The following ASAP2 variants were observed in gnomAD, a reference collection of about 807,000 sequenced individuals.
The protein encoded by ASAP2 is ArfGAP with SH3 domain, ankyrin repeat and PH domain 2, also known as arf-GAP with SH3 domain, ANK repeat and PH domain-containing protein 2.
ASAP2 carries 45 observed loss-of-function variants against 131.4 expected under a neutral mutation model. The observed-to-expected ratio is 0.34, with a 90% CI of 0.27 to 0.44. ASAP2 has a LOEUF of 0.44. ASAP2 is among the 20% of genes least tolerant of loss of function. The pLI, the probability that ASAP2 is intolerant of heterozygous loss-of-function variation, is 1.00. For missense variants in ASAP2, 1,011 were observed against 1,297.0 expected, an observed-to-expected ratio of 0.78 and a Z score of 3.39; for synonymous variants, 510 against 503.0, an observed-to-expected ratio of 1.01 and a Z score of -0.19.
intron 2 of ASAP2, among the ~76,000 whole-genome samples, chr2:9,295,995 C>T (rs1320173434): frequency 5.3e-5 from 8 of 152,154 alleles, no homozygotes; most frequent in Non-Finnish European, 7.3e-5. Flanking sequence ...TAGCCATTGG[C>T]GTTAGCTGAC....
Position 9,404,561 on chromosome 2 carries a change from A to G in ASAP2, c.*1234A>G, listed in dbSNP as rs1008175942. 7 of 152,570 alleles carry G rather than the reference A, an allele frequency of 4.6e-5. No individual in the cohort carries two copies. The highest frequency in any genetic ancestry group is 8.8e-5 in the Non-Finnish European group (6 of 68,030). 9.5% of individuals were successfully genotyped at this position (152,570 alleles called of 1,614,324 possible). Reference sequence around the variant, plus strand: ...AAGATTCATAGTAGGAATATTGGAAATTTTGGCACTCTGAGAATAAATAGG... The same window carrying G: ...AAGATTCATAGTAGGAATATTGGAAGTTTTGGCACTCTGAGAATAAATAGG... On this transcript the variant is annotated 3_prime_UTR_variant, in exon 28 of 28. Coordinates refer to ENST00000281419, the MANE Select transcript of ASAP2 (RefSeq NM_003887.3).
At position 9,387,154 on chromosome 2, in the gene ASAP2, C is replaced by CA. The variant is rs1675338300; in HGVS notation, c.2131-1139dup. 2.1e-5 allele frequency among the ~76,000 whole-genome samples: 3 copies of CA among 141,118 alleles called. No individual in the cohort carries two copies. The South Asian group carries it at 6.6e-4, about 31-fold the overall frequency. 92.6% of individuals were successfully genotyped at this position (141,118 alleles called of 152,430 possible). A position where few individuals can be genotyped will look rare whatever the true frequency, so the allele number is the denominator to read the frequency against. On this transcript the variant is annotated intron_variant, in intron 21 of 27. Transcript: ENST00000281419. ...GCGTAAACCCGGGAGGCGGAGCTTG[C>CA]AGTGAGCTGGGATTGCGCCACTGCA...
At chr2:9,371,980 A>C (rs1165292469) in intron 16 of ASAP2, among the ~76,000 whole-genome samples, 1 of 152,212 alleles carries the variant, frequency 6.6e-6, no homozygotes, top group African/African-American at 2.4e-5. Flanking sequence ...AACCTCCTTC[A>C]CAAAACCAGG....
At chr2:9,323,062 C>A in intron 5 of ASAP2, 59 bp from the exon 6 acceptor site, 1 of 1,605,964 alleles carries the variant, frequency 6.2e-7, no homozygotes, top group Non-Finnish European at 8.5e-7. Flanking sequence ...GGCTTCAAGG[C>A]TGTCCCGTTG....
intron 7 of ASAP2, among the ~76,000 whole-genome samples, chr2:9,333,125 G>T (rs1310899951): frequency 3.9e-5 from 6 of 152,202 alleles, no homozygotes; most frequent in Admixed American, 3.9e-4. Context: ...CTACTGCTGA[G>T]TTTAAAAGAA....
At position 9,393,511 on chromosome 2, in the gene ASAP2, G is replaced by A. The variant is rs113489643; in HGVS notation, c.2548G>A (p.Val850Ile). The change falls in exon 24 of 28, where the codon GTT becomes ATT. Residue 850 changes from valine (V) to isoleucine (I), a missense_variant. Around this residue, in one of 2 missense-constraint regions of ASAP2, gnomAD observed 652 missense variants for 698.9 expected, o/e 0.93. Transcript: ENST00000281419. ...NPLTPTPPPPVAKTPSVMEAL... is the reference protein window; with the variant it reads ...NPLTPTPPPPIAKTPSVMEAL... ...CCTGACCCCCACGCCGCCCCCACCC[G>A]TTGCCAAGACGCCCAGCGTAATGGA... 5.5e-5 allele frequency: 80 copies of A among 1,458,898 alleles called. 1 individual carries two copies. In the African/African-American group the frequency reaches 8.0e-4, roughly 15 times the overall value. The allele number at this position is 1,458,898 out of a possible 1,614,324, so 90.4% of individuals were successfully genotyped here.
Position 9,347,253 on chromosome 2 carries a change from A to G in ASAP2, c.1023+2453A>G, listed in dbSNP as rs144311595. ...TTCCCTGCGTGCTCTGGAAGTCAGA[A>G]TCCAGAGGACCCCTCTGTATGACTG... On this transcript the variant is annotated intron_variant, in intron 11 of 27. Transcript: ENST00000281419. Among the ~76,000 whole-genome samples the G allele has an allele frequency of 4.5e-4, 68 of 152,302 alleles. 1 individual carries two copies. Among genetic ancestry groups the G allele is most frequent in the African/African-American group, 1.6e-3 (65 of 41,558 alleles).
intron 27 of ASAP2, 117 bp downstream of exon 27, chr2:9,401,513 TC>T (rs1185056325): frequency 7.6e-7 from 1 of 1,320,738 alleles, no homozygotes; most frequent in Non-Finnish European, 1.0e-6. Flanking sequence ...CAGATGTAGT[TC>T]CTGGTGCCTC....
At chr2:9,400,233 CTCCCCTCCTGCCCCCT>C (rs1294077370) in intron 25 of ASAP2, among the ~76,000 whole-genome samples, 161 bp downstream of exon 25, 12 of 56,314 alleles carry the variant, frequency 2.1e-4, no homozygotes, top group East Asian at 3.4e-4. Flanking sequence ...CTCCTGCCCC[CTCCCCTCCTGCCCCCT>C]TCCCCTCCTG....
intron 2 of ASAP2, among the ~76,000 whole-genome samples, chr2:9,291,633 C>T (rs900913754): frequency 1.3e-5 from 2 of 152,184 alleles, no homozygotes; most frequent in Admixed American, 1.3e-4. Context: ...TATGTCTCTC[C>T]TTAAACGCTC....
intron 2 of ASAP2, among the ~76,000 whole-genome samples, chr2:9,292,257 T>C (rs1051214001): frequency 6.6e-6 from 1 of 151,896 alleles, no homozygotes; most frequent in Admixed American, 6.6e-5. Flanking sequence ...ACAGAGAAAG[T>C]AGGCTGGGCG....
chr2:9,377,044 G>T, intron 18 of ASAP2, 51 bp downstream of exon 18: 1 of 1,524,892 alleles, frequency 6.6e-7, no homozygotes. Context: ...TGGTATTTCT[G>T]GGGAAGGAAT....
chr2:9,326,431 T>C (rs1670480003), intron 6 of ASAP2, among the ~76,000 whole-genome samples: 1 of 152,144 alleles, frequency 6.6e-6, no homozygotes, highest in African/African-American at 2.4e-5. Flanking sequence ...AAATTCAGTA[T>C]GTCAAATAGG....
In ASAP2 at chr2:9,391,106, G is replaced by A; in HGVS notation, c.2428G>A (p.Val810Ile). ...SANTLWKTNSVSVDGGSRQRS... is the reference protein window; with the variant it reads ...SANTLWKTNSISVDGGSRQRS... ...TAACACCCTGTGGAAGACAAACTCTGTAAGTGTGGACGGTGGAAGCCGGCA... is the reference window on the plus strand; with the variant it reads ...TAACACCCTGTGGAAGACAAACTCTATAAGTGTGGACGGTGGAAGCCGGCA... The change falls in exon 23 of 28, where the codon GTA becomes ATA. Residue 810 changes from valine to isoleucine, a missense_variant. This residue lies in a region of ASAP2 where 652 missense variants were observed against 698.9 expected (regional missense o/e 0.93). Coordinates refer to ENST00000281419, the MANE Select transcript of ASAP2 (RefSeq NM_003887.3). 6.2e-7 allele frequency: 1 copy of A among 1,614,244 alleles called. No homozygotes were observed. The highest frequency in any genetic ancestry group is 1.3e-5 in the African/African-American group (1 of 75,080).
At chr2:9,236,333 G>A (rs948305617) in intron 1 of ASAP2, among the ~76,000 whole-genome samples, 1 of 152,106 alleles carries the variant, frequency 6.6e-6, no homozygotes. Flanking sequence ...TAAGTTCGTC[G>A]ACATCTTCAA....
At chr2:9,403,114 T>C in intron 27 of ASAP2, 139 bp from the exon 28 acceptor site, 1 of 680,110 alleles carries the variant, frequency 1.5e-6, no homozygotes, top group Non-Finnish European at 2.5e-6. Context: ...ATTTGGATGT[T>C]TTACCTAAGT....
At chr2:9,367,703 A>G (rs577454048) in intron 15 of ASAP2, among the ~76,000 whole-genome samples, 5 of 152,324 alleles carry the variant, frequency 3.3e-5, no homozygotes, top group African/African-American at 1.2e-4. Context: ...GCAAGGTTGC[A>G]TTAAGCCATG....
chr2:9,390,528 C>A (rs1258847127), intron 22 of ASAP2, among the ~76,000 whole-genome samples: 1 of 152,222 alleles, frequency 6.6e-6, no homozygotes, highest in Non-Finnish European at 1.5e-5. Context: ...TGATTGGTGT[C>A]ATCTGTGTCT....
In ASAP2 at chr2:9,231,476, C is replaced by A. The variant is rs116412225; in HGVS notation, c.126+24246C>A. On this transcript the variant is annotated intron_variant, in intron 1 of 27. Transcript: ENST00000281419. Reference sequence around the variant, plus strand: ...TGACTCGGTACCTGCTACCCGTTCGCTGAGATGCCAGTGAGCAGTCGCTGG... The same window carrying A: ...TGACTCGGTACCTGCTACCCGTTCGATGAGATGCCAGTGAGCAGTCGCTGG... 2.8e-3 allele frequency among the ~76,000 whole-genome samples: 421 copies of A among 152,326 alleles called. 4 individuals are homozygous for A. Among genetic ancestry groups the A allele is most frequent in the African/African-American group, 9.5e-3 (396 of 41,592 alleles).
Sources: allele counts gnomAD v4.1 joint callset (sites outside exome capture counted in the v4.1 genomes callset), GRCh38; gene constraint gnomAD v4.1.1; regional missense constraint gnomAD v4.1.1; transcripts MANE v1.5; gene names NCBI Gene and HGNC (gene_info 2026-07-23, HGNC 2026-07-21).